The following GPN2 variants were observed in gnomAD, a reference collection of about 807,000 sequenced individuals.
The protein encoded by GPN2 is ATP-binding domain 1 family member B.
In GPN2, 27 loss-of-function variants were observed where a neutral mutation model predicts 30.1. The observed-to-expected ratio is 0.90, with a 90% CI of 0.66 to 1.24. GPN2 has a LOEUF of 1.24. Among genes scored for constraint, GPN2 ranks in the 50% most tolerant of loss-of-function variants. The probability of loss-of-function intolerance (pLI) is 0.00; values close to 1 mark genes in which losing one functional copy is unlikely to be tolerated. For missense variants in GPN2, 406 were observed against 405.4 expected, an observed-to-expected ratio of 1.00 and a Z score of -0.01; for synonymous variants, 212 against 174.4, an observed-to-expected ratio of 1.22 and a Z score of -1.70.
At chr1:26,887,758 TCA>T (rs1377840343) in intron 2 of GPN2, among the ~76,000 whole-genome samples, 1 of 151,924 alleles carries the variant, frequency 6.6e-6, no homozygotes, top group Non-Finnish European at 1.5e-5. Context: ...AGACGGAGTT[TCA>T]CAGTGTTAGC....
rs1222385119 is a variant in GPN2 at position 26,884,217 on chromosome 1, T to C, written c.803A>G (p.Gln268Arg). Reference sequence around the variant, plus strand: ...AGACATCATGGCTTCCAAGCTTCGCTGCTCTTGGGCTCTGAAACAGTATCC... The same window carrying C: ...AGACATCATGGCTTCCAAGCTTCGCCGCTCTTGGGCTCTGAAACAGTATCC... ...ANGYCFRAQE[Q>R]RSLEAMMSAA... The change falls in exon 4 of 5, where the codon CAG becomes CGG. Residue 268 changes from glutamine (Q) to arginine (R), a missense_variant. Physicochemically the swap from Gln to Arg is conservative, Grantham distance 43. Transcript: ENST00000374135. 1 of 1,613,934 alleles carries C rather than the reference T, an allele frequency of 6.2e-7. No homozygotes were observed. The highest frequency in any genetic ancestry group is 8.5e-7 in the Non-Finnish European group (1 of 1,179,970).
rs540448323 is a variant in GPN2 at position 26,884,763 on chromosome 1, C to T, written c.730-473G>A. On this transcript the variant is annotated intron_variant, in intron 3 of 4. Coordinates refer to ENST00000374135, the MANE Select transcript of GPN2 (RefSeq NM_018066.4). Reference sequence around the variant, plus strand: ...TTGGGAGGCCAAGGCAGGTAGATCACTTAAGGTCAGGAGTTCAAGAGCAGC... The same window carrying T: ...TTGGGAGGCCAAGGCAGGTAGATCATTTAAGGTCAGGAGTTCAAGAGCAGC... Among the ~76,000 whole-genome samples the T allele has an allele frequency of 5.3e-5, 8 of 152,304 alleles. No individual in the cohort carries two copies. In the East Asian group the frequency reaches 1.5e-3, roughly 29 times the overall value.
At chr1:26,884,064 T>C in intron 4 of GPN2, 96 bp downstream of exon 4, 1 of 919,406 alleles carries the variant, frequency 1.1e-6, no homozygotes, top group Non-Finnish European at 1.6e-6. Context: ...AAAAAGAAAT[T>C]GGTCATCCAC....
Position 26,889,707 on chromosome 1 carries a change from T to C in GPN2, c.390A>G (p.Gln130=), listed in dbSNP as rs746292390. 9 of 1,588,958 alleles carry C rather than the reference T, an allele frequency of 5.7e-6. No homozygotes were observed. The highest frequency in any genetic ancestry group is 4.5e-5 in the East Asian group (2 of 44,520). ...HHGALRSIFS[Q]MAQWDLRLTA... ...GCACCCTGAGGTCCCACTGCGCCAT[T>C]TGGGAGAAGATGCTGCGCAAGGCGC... Residue 130 remains glutamine (Q), a synonymous_variant, in exon 1 of 5, where the codon CAA becomes CAG. Coordinates refer to ENST00000374135, the MANE Select transcript of GPN2 (RefSeq NM_018066.4).
rs1199767069 is a variant in GPN2 at position 26,889,776 on chromosome 1, G to A, written c.321C>T (p.Phe107=). 4 of 1,613,846 alleles carry A rather than the reference G, an allele frequency of 2.5e-6. No homozygotes were observed. Among genetic ancestry groups the A allele is most frequent in the South Asian group, 2.2e-5 (2 of 91,072 alleles). ...AKLDPLRGHY[F]LFDCPGQVEL... ...CCACCTGGCCTGGGCAGTCGAAGAG[G>A]AAGTAGTGGCCGCGGAGGGGGTCGA... The change falls in exon 1 of 5, where the codon TTC becomes TTT. Residue 107 remains phenylalanine, a synonymous_variant. Transcript: ENST00000374135.
chr1:26,885,770 G>A (rs937593537), intron 3 of GPN2, among the ~76,000 whole-genome samples: 13 of 151,862 alleles, frequency 8.6e-5, no homozygotes, highest in African/African-American at 2.4e-4. Context: ...TAGTAGAGAC[G>A]GGGTTTCACT....
Position 26,889,736 on chromosome 1 carries a change from G to T in GPN2, c.361C>A (p.His121Asn). ...GAGAAGATGCTGCGCAAGGCGCCGT[G>T]ATGCGTGCAGAGCTCCACCTGGCCT... Reference protein sequence around the residue: ...CPGQVELCTHHGALRSIFSQM... With the variant: ...CPGQVELCTHNGALRSIFSQM... The change falls in exon 1 of 5, where the codon CAC becomes AAC. Residue 121 changes from histidine to asparagine, a missense_variant. Transcript: ENST00000374135. The T allele has an allele frequency of 6.2e-7, 1 of 1,608,890 alleles. No individual in the cohort carries two copies. Among genetic ancestry groups the T allele is most frequent in the South Asian group, 1.1e-5 (1 of 90,742 alleles).
intron 1 of GPN2, 134 bp downstream of exon 1, chr1:26,889,552 A>T: frequency 1.3e-6 from 1 of 797,650 alleles, no homozygotes; most frequent in Non-Finnish European, 2.0e-6. Flanking sequence ...GCAGAGCCAG[A>T]TTCTGAACTC....
chr1:26,879,470 C>G lies in GPN2; in HGVS notation c.*207G>C. The G allele has an allele frequency of 7.0e-6, 4 of 569,528 alleles. No homozygotes were observed. In the South Asian group the frequency reaches 8.5e-5, roughly 12 times the overall value. The allele number at this position is 569,528 out of a possible 1,614,324, so 35.3% of individuals were successfully genotyped here. ...TTCTGGTGGCAGGGCCCAGAGCTCA[C>G]GGACACCACTGACAGTATGGGGGGT... is the stretch of plus-strand genomic sequence containing the variant. On this transcript the variant is annotated 3_prime_UTR_variant, in exon 5 of 5. Coordinates refer to ENST00000374135, the MANE Select transcript of GPN2 (RefSeq NM_018066.4).
In GPN2 at chr1:26,877,113, G is replaced by A. The variant is rs976127754; in HGVS notation, c.*2564C>T. 1 of 152,280 alleles carries A rather than the reference G, an allele frequency of 6.6e-6. No homozygotes were observed. The highest frequency in any genetic ancestry group is 6.5e-5 in the Admixed American group (1 of 15,280). The allele number at this position is 152,280 out of a possible 1,614,324, so 9.4% of individuals were successfully genotyped here. On this transcript the variant is annotated 3_prime_UTR_variant, in exon 5 of 5. Coordinates refer to ENST00000374135, the MANE Select transcript of GPN2 (RefSeq NM_018066.4). ...TGATTCACAGCTAGCCCCAGGCTGTGCCTCCTGGCCTCAGTTTTCCTGGCT... is the reference window on the plus strand; with the variant it reads ...TGATTCACAGCTAGCCCCAGGCTGTACCTCCTGGCCTCAGTTTTCCTGGCT...
intron 1 of GPN2, 135 bp from the exon 2 acceptor site, chr1:26,889,260 C>G (rs1358511574): frequency 1.4e-6 from 1 of 696,012 alleles, no homozygotes; most frequent in Non-Finnish European, 2.4e-6. Flanking sequence ...TAATAACCAC[C>G]CTGGTTTCCT....
At chr1:26,884,123 A>G (rs374334655) in intron 4 of GPN2, 37 bp downstream of exon 4, 46 of 1,592,556 alleles carry the variant, frequency 2.9e-5, no homozygotes, top group Non-Finnish European at 3.9e-5. Flanking sequence ...CCCATGTCTC[A>G]CCCTCTCTGC....
chr1:26,880,811 A>AC (rs1393708263), intron 4 of GPN2, among the ~76,000 whole-genome samples: 1 of 151,440 alleles, frequency 6.6e-6, no homozygotes, highest in Non-Finnish European at 1.5e-5. Flanking sequence ...TCAACTTTGA[A>AC]CCCCTATGCC....
In GPN2 at chr1:26,889,104, C is replaced by G; in HGVS notation, c.433G>C (p.Asp145His). The G allele has an allele frequency of 1.2e-6, 2 of 1,613,818 alleles. No individual in the cohort carries two copies. Among genetic ancestry groups the G allele is most frequent in the Non-Finnish European group, 1.7e-6 (2 of 1,179,774 alleles). ...GCAGGGTCTGTGCAGTAGTGAGAAT[C>G]CACGAGGTGGACGGCAGTCAGCTGG... ...DLRLTAVHLV[D>H]SHYCTDPAKF... is the part of the protein sequence containing the mutation. The change falls in exon 2 of 5, where the codon GAT (aspartate) becomes CAT (histidine). Residue 145 changes from aspartate (D) to histidine (H), a missense_variant. Physicochemically the swap from Asp to His is moderately conservative, Grantham distance 81 (BLOSUM62 -1). Coordinates refer to ENST00000374135, the MANE Select transcript of GPN2 (RefSeq NM_018066.4).
Position 26,877,801 on chromosome 1 carries a change from C to G in GPN2, c.*1876G>C, listed in dbSNP as rs1395818323. 1.3e-5 allele frequency: 2 copies of G among 152,198 alleles called. No individual in the cohort carries two copies. Among genetic ancestry groups the G allele is most frequent in the Non-Finnish European group, 2.9e-5 (2 of 68,108 alleles). The allele number at this position is 152,198 out of a possible 1,614,324, so 9.4% of individuals were successfully genotyped here. A position where few individuals can be genotyped will look rare whatever the true frequency, so the allele number is the denominator to read the frequency against. On this transcript the variant is annotated 3_prime_UTR_variant, in exon 5 of 5. Transcript: ENST00000374135. ...CTGTAATCCCAGCACTTTGGGAGGC[C>G]AAGGCGGGTAAATCATGAGGTCAGT...
chr1:26,887,751 C>T (rs944251017), intron 2 of GPN2, among the ~76,000 whole-genome samples: 24 of 151,284 alleles, frequency 1.6e-4, no homozygotes, highest in African/African-American at 5.6e-4. Flanking sequence ...TTAGTAGAGA[C>T]GGAGTTTCAC....
Position 26,889,760 on chromosome 1 carries a change from C to T in GPN2, c.337G>A (p.Gly113Ser). The T allele has an allele frequency of 6.2e-7, 1 of 1,613,686 alleles. No homozygotes were observed. Among genetic ancestry groups the T allele is most frequent in the South Asian group, 1.1e-5 (1 of 91,006 alleles). ...TGATGCGTGCAGAGCTCCACCTGGCCTGGGCAGTCGAAGAGGAAGTAGTGG... is the reference window on the plus strand; with the variant it reads ...TGATGCGTGCAGAGCTCCACCTGGCTTGGGCAGTCGAAGAGGAAGTAGTGG... ...RGHYFLFDCP[G>S]QVELCTHHGA... The change falls in exon 1 of 5, where the codon GGC becomes AGC. Residue 113 changes from glycine to serine, a missense_variant. Transcript: ENST00000374135.
chr1:26,882,800 G>C (rs1364843314), intron 4 of GPN2, among the ~76,000 whole-genome samples: 6 of 152,178 alleles, frequency 3.9e-5, no homozygotes, highest in South Asian at 4.1e-4. Flanking sequence ...GACAGCTCTG[G>C]ATGTCCCATG....
chr1:26,886,093 G>A lies in GPN2; in HGVS notation c.609C>T (p.Ser203=). The A allele has an allele frequency of 6.2e-7, 1 of 1,613,420 alleles. No homozygotes were observed. The highest frequency in any genetic ancestry group is 8.5e-7 in the Non-Finnish European group (1 of 1,179,390). Reference sequence around the variant, plus strand: ...CAGAAGCCAGGTGGTCAAGCAGGTAGGAGAGGTCCAGAACCTCTGTGTAGT... The same window carrying A: ...CAGAAGCCAGGTGGTCAAGCAGGTAAGAGAGGTCCAGAACCTCTGTGTAGT... ...LDYYTEVLDL[S]YLLDHLASDP... is the part of the protein sequence containing the mutation. The change falls in exon 3 of 5, where the codon TCC becomes TCT. Residue 203 remains serine, a synonymous_variant. Transcript: ENST00000374135.
Sources: allele counts gnomAD v4.1 joint callset (sites outside exome capture counted in the v4.1 genomes callset), GRCh38; gene constraint gnomAD v4.1.1; transcripts MANE v1.5; gene names NCBI Gene and HGNC (gene_info 2026-07-23, HGNC 2026-07-21).